VWA8: variants seen among roughly 807,000 people sequenced by gnomAD.
The protein encoded by VWA8 is von Willebrand factor A domain containing 8.
Under a neutral mutation model 241.5 loss-of-function variants are expected in VWA8, and 221 were observed. That is an observed-to-expected ratio of 0.91 (90% CI 0.82 to 1.02). The LOEUF (loss-of-function observed/expected upper bound fraction) is 1.02. VWA8 is among the 50% of genes least tolerant of loss of function. VWA8 has a pLI of 0.00. For missense variants in VWA8, 2,322 were observed against 2,328.7 expected (o/e 1.00, Z 0.06); for synonymous variants, 852 against 827.1 (o/e 1.03, Z -0.52).
At chr13:41,814,414 G>A (rs945607920) in intron 16 of VWA8, among the ~76,000 whole-genome samples, 5 of 152,180 alleles carry the variant, frequency 3.3e-5, no homozygotes, top group Admixed American at 2.0e-4. Flanking sequence ...TGTAGGGAAA[G>A]CACATTCTAG....
chr13:41,814,537 A>G (rs1870607104), intron 16 of VWA8, among the ~76,000 whole-genome samples: 1 of 152,202 alleles, frequency 6.6e-6, no homozygotes, highest in South Asian at 2.1e-4. Context: ...CTGAGGCCTG[A>G]TGAGCAGCTT....
chr13:41,792,308 G>A (rs1593775679), intron 17 of VWA8, among the ~76,000 whole-genome samples: 1 of 151,782 alleles, frequency 6.6e-6, no homozygotes, highest in African/African-American at 2.4e-5. Context: ...AGTTTATAGT[G>A]TCATATAACT....
At chr13:41,916,050 T>C (rs1876238484) in intron 2 of VWA8, among the ~76,000 whole-genome samples, 1 of 152,188 alleles carries the variant, frequency 6.6e-6, no homozygotes, top group Admixed American at 6.5e-5. Flanking sequence ...TACTATTTAC[T>C]AGCTATGTAA....
At chr13:41,603,330 G>A (rs1456655745) in intron 40 of VWA8, among the ~76,000 whole-genome samples, 3 of 152,090 alleles carry the variant, frequency 2.0e-5, no homozygotes, top group Non-Finnish European at 4.4e-5. Flanking sequence ...GGCTTCATTT[G>A]TGTGTGATTG....
At chr13:41,824,902 T>C (rs1871117442) in intron 14 of VWA8, among the ~76,000 whole-genome samples, 1 of 150,240 alleles carries the variant, frequency 6.7e-6, no homozygotes. Context: ...GGGGAGGGGA[T>C]ATACTGAGAA....
Position 41,912,059 on chromosome 13 carries a change from G to A in VWA8, c.351C>T (p.Arg117=). The A allele has an allele frequency of 6.3e-7, 1 of 1,598,568 alleles. No individual in the cohort carries two copies. Among genetic ancestry groups the A allele is most frequent in the Non-Finnish European group, 8.5e-7 (1 of 1,170,696 alleles). Residue 117 remains arginine (R), a synonymous_variant, in exon 3 of 45, where the codon CGC becomes CGT. Coordinates refer to ENST00000379310, the MANE Select transcript of VWA8 (RefSeq NM_015058.2). Reference sequence around the variant, plus strand: ...TCACCAAGTACTGCATAGCAATAGAGCGTCGAAGAGGCCCAGGAGGTCCTA... The same window carrying A: ...TCACCAAGTACTGCATAGCAATAGAACGTCGAAGAGGCCCAGGAGGTCCTA... ...FLIGPPGPLR[R]SIAMQYLELT...
intron 43 of VWA8, among the ~76,000 whole-genome samples, chr13:41,571,297 T>TC (rs2044300428): frequency 7.1e-6 from 1 of 140,180 alleles, no homozygotes; most frequent in African/African-American, 2.8e-5. Context: ...CCCTCTCCCG[T>TC]CTCCCTCTCC....
chr13:41,864,959 C>T (rs1873218023), intron 12 of VWA8, among the ~76,000 whole-genome samples: 1 of 132,560 alleles, frequency 7.5e-6, no homozygotes, highest in Admixed American at 8.7e-5. Flanking sequence ...CATTGCATTG[C>T]AGCCTGGGCA....
chr13:41,574,458 A>G (rs2044338318), intron 43 of VWA8, among the ~76,000 whole-genome samples: 1 of 152,218 alleles, frequency 6.6e-6, no homozygotes, highest in Non-Finnish European at 1.5e-5. Context: ...CAATGCTCAT[A>G]GATGAGGAGA....
intron 3 of VWA8, among the ~76,000 whole-genome samples, chr13:41,908,181 A>G (rs1875813402): frequency 6.6e-6 from 1 of 152,166 alleles, no homozygotes; most frequent in Non-Finnish European, 1.5e-5. Flanking sequence ...AATCCCAATA[A>G]TCAGCTGGGC....
At chr13:41,881,476 A>G (rs926575997) in intron 9 of VWA8, among the ~76,000 whole-genome samples, 34 of 126,814 alleles carry the variant, frequency 2.7e-4, no homozygotes, top group Admixed American at 2.6e-3. Flanking sequence ...TTCTACACAG[A>G]CACGGCAACC....
chr13:41,620,587 G>A (rs2044650568), intron 37 of VWA8, among the ~76,000 whole-genome samples: 1 of 152,022 alleles, frequency 6.6e-6, no homozygotes, highest in Non-Finnish European at 1.5e-5. Flanking sequence ...GATCTTTCCT[G>A]CTTTCTCTTG....
At chr13:41,771,770 T>C (rs560888232) in intron 20 of VWA8, among the ~76,000 whole-genome samples, 1 of 150,364 alleles carries the variant, frequency 6.7e-6, no homozygotes, top group African/African-American at 2.4e-5. Context: ...TTTGTGGAGA[T>C]GGGGTTTTGC....
At chr13:41,590,920 C>T (rs114537857) in intron 40 of VWA8, among the ~76,000 whole-genome samples, 155 bp from the exon 41 acceptor site, 5 of 152,260 alleles carry the variant, frequency 3.3e-5, no homozygotes, top group Admixed American at 2.6e-4. Context: ...GGTTTCTGCT[C>T]TGCTGACAAA....
intron 35 of VWA8, among the ~76,000 whole-genome samples, chr13:41,677,373 G>C (rs1274782664): frequency 6.6e-6 from 1 of 152,138 alleles, no homozygotes; most frequent in African/African-American, 2.4e-5. Context: ...TGCCACCATG[G>C]TGTGTCAGAA....
At chr13:41,882,539 C>T (rs530120590) in intron 9 of VWA8, among the ~76,000 whole-genome samples, 9 of 152,362 alleles carry the variant, frequency 5.9e-5, no homozygotes, top group African/African-American at 2.2e-4. Flanking sequence ...AACCAGACTC[C>T]GTCTGCAATC....
chr13:41,711,876 A>T (rs2045320808), intron 26 of VWA8, among the ~76,000 whole-genome samples: 1 of 150,868 alleles, frequency 6.6e-6, no homozygotes, highest in Middle Eastern at 3.2e-3. Flanking sequence ...TCTGTCTCAA[A>T]CAAAAAAAAA....
intron 18 of VWA8, among the ~76,000 whole-genome samples, chr13:41,784,888 C>T (rs1274426031): frequency 6.6e-6 from 1 of 150,456 alleles, no homozygotes; most frequent in Non-Finnish European, 1.5e-5. Context: ...GATTGGGAAA[C>T]TGTCTTATGC....
chr13:41,927,242 C>A, intron 2 of VWA8: 1 of 482,302 alleles, frequency 2.1e-6, no homozygotes, highest in Non-Finnish European at 4.2e-6. Context: ...TCAAAAGATT[C>A]CAACAACATC....
Sources: allele counts gnomAD v4.1 joint callset (sites outside exome capture counted in the v4.1 genomes callset), GRCh38; gene constraint gnomAD v4.1.1; transcripts MANE v1.5; gene names NCBI Gene and HGNC (gene_info 2026-07-23, HGNC 2026-07-21).